The following CDKL5 variants were observed in gnomAD, a reference collection of about 807,000 sequenced individuals.
CDKL5 encodes cyclin dependent kinase like 5.
CDKL5 carries 8 observed loss-of-function variants against 61.7 expected under a neutral mutation model. The observed-to-expected ratio is 0.13, with a 90% confidence interval of 0.08 to 0.23. The LOEUF (loss-of-function observed/expected upper bound fraction) is 0.23, where lower values mean the gene tolerates loss of function less well. Among genes scored for constraint, CDKL5 ranks in the 10% least tolerant of loss-of-function variants. The probability of loss-of-function intolerance (pLI) is 1.00; values close to 1 mark genes in which losing one functional copy is unlikely to be tolerated. For synonymous variants in CDKL5, 275 were observed against 272.3 expected, an observed-to-expected ratio of 1.01 and a Z score of -0.10; for missense variants, 440 against 734.5, an observed-to-expected ratio of 0.60 and a Z score of 4.63.
chrX:18,449,801 T>G (rs1296788755), intron 1 of CDKL5, among the ~76,000 whole-genome samples: 1 of 109,839 alleles, frequency 9.1e-6, no homozygotes, highest in Non-Finnish European at 1.9e-5. Context: ...TTAATTCTTT[T>G]TTTTTTTTTT....
At chrX:18,616,387 A>T (rs1926713992) in intron 15 of CDKL5, among the ~76,000 whole-genome samples, 1 of 111,399 alleles carries the variant, frequency 9.0e-6, no homozygotes, top group Non-Finnish European at 1.9e-5. Flanking sequence ...GCACTTAGGG[A>T]GGCCAAGGCG....
chrX:18,642,255 G>C, downstream of CDKL5: 1 of 954,699 alleles, frequency 1.0e-6, no homozygotes, highest in Non-Finnish European at 1.5e-6. Context: ...CTATAGAAAT[G>C]ATTAGGAAGT....
intron 1 of CDKL5, among the ~76,000 whole-genome samples, chrX:18,498,737 AGTT>A (rs1922272117): frequency 8.9e-6 from 1 of 112,044 alleles, no homozygotes; most frequent in African/African-American, 3.2e-5. Context: ...GATCAACTTT[AGTT>A]GTGGAAAGAG....
chrX:18,493,033 C>T (rs1922048025), intron 1 of CDKL5, among the ~76,000 whole-genome samples: 1 of 111,331 alleles, frequency 9.0e-6, no homozygotes, highest in Non-Finnish European at 1.9e-5. Context: ...ACCTGTGGGT[C>T]TCTTGTGTCA....
intron 20 of CDKL5, chrX:18,647,065 T>C (rs1602312420): frequency 1.3e-6 from 1 of 765,091 alleles, no homozygotes; most frequent in East Asian, 3.3e-5. Context: ...TACAGGCACG[T>C]GCCACCACGC....
rs768289707 is a variant in CDKL5 at position 18,653,525 on chromosome X, C to T, written c.3074C>T (p.Ala1025Val). ...GCGCTCCTGACATACCATGAGAATG[C>T]GGCACTGACGGGCAAGTGACTTCTG... is the stretch of plus-strand genomic sequence containing the variant. Residue 1025 changes from alanine to valine, a missense_variant, in exon 22 of 22, where the codon GCG becomes GTG. Transcript: ENST00000379989. 8.3e-7 allele frequency: 1 copy of T among 1,211,555 alleles called. No individual in the cohort carries two copies.
intron 20 of CDKL5, among the ~76,000 whole-genome samples, chrX:18,649,354 TCTC>T (rs1927932282): frequency 9.0e-6 from 1 of 111,426 alleles, no homozygotes; most frequent in African/African-American, 3.3e-5. Flanking sequence ...CCCACCTCAT[TCTC>T]CTAGTTTTCT....
intron 1 of CDKL5, among the ~76,000 whole-genome samples, chrX:18,481,382 C>T (rs771027644): frequency 3.1e-5 from 3 of 95,373 alleles, no homozygotes; most frequent in African/African-American, 4.3e-5. Context: ...TGAGGCAGGG[C>T]GTCACTCTCA....
intron 1 of CDKL5, among the ~76,000 whole-genome samples, chrX:18,467,381 T>C (rs766120380): frequency 6.3e-5 from 7 of 111,495 alleles, no homozygotes; most frequent in African/African-American, 2.3e-4. Flanking sequence ...AACTGCATGC[T>C]TTTTTACAAG....
intron 1 of CDKL5, among the ~76,000 whole-genome samples, chrX:18,446,223 G>T (rs1251255005): frequency 9.3e-6 from 1 of 107,947 alleles, no homozygotes; most frequent in African/African-American, 3.4e-5. Context: ...CAGGGATGGT[G>T]GGCGGGCACC....
chrX:18,521,072 A>G (rs749961543), intron 3 of CDKL5, among the ~76,000 whole-genome samples: 24 of 111,675 alleles, frequency 2.1e-4, no homozygotes, highest in Non-Finnish European at 3.8e-4. Context: ...TTGCCACCCT[A>G]GTGGATGTAG....
chrX:18,634,574 G>C lies in CDKL5; in HGVS notation c.*5817G>C, dbSNP rs1927330022. 1 of 754,312 alleles carries C rather than the reference G, an allele frequency of 1.3e-6. No homozygotes were observed. The highest frequency in any genetic ancestry group is 8.6e-5 in the Admixed American group (1 of 11,640). The allele number at this position is 754,312 out of a possible 1,213,427, so 62.2% of individuals were successfully genotyped here. A position where few individuals can be genotyped will look rare whatever the true frequency, so the allele number is the denominator to read the frequency against. On this transcript the variant is annotated 3_prime_UTR_variant, in exon 18 of 18. Transcript: ENST00000623535. ...TAGGTTTTCCAAAATGGAAAGCAAA[G>C]CTTGCAGACAACCTGTTTTCTCTAG...
At chrX:18,471,375 T>A (rs958400326) in intron 1 of CDKL5, among the ~76,000 whole-genome samples, 13 of 111,433 alleles carry the variant, frequency 1.2e-4, no homozygotes, top group Non-Finnish European at 2.1e-4. Context: ...TTAATTTAGT[T>A]TTATTAATTT....
At chrX:18,573,964 A>G (rs1243942844) in intron 4 of CDKL5, among the ~76,000 whole-genome samples, 1 of 111,382 alleles carries the variant, frequency 9.0e-6, no homozygotes, top group Non-Finnish European at 1.9e-5. Context: ...TGCATTTAGA[A>G]TCTTCCCTCT....
intron 1 of CDKL5, among the ~76,000 whole-genome samples, chrX:18,440,386 A>G (rs1931710555): frequency 8.9e-6 from 1 of 112,169 alleles, no homozygotes. Context: ...CAATTCAGTC[A>G]TATCTTCAGG....
At chrX:18,648,983 G>A (rs1260321907) in intron 20 of CDKL5, among the ~76,000 whole-genome samples, 1 of 106,174 alleles carries the variant, frequency 9.4e-6, no homozygotes, top group East Asian at 3.0e-4. Context: ...AGGAGTCTGT[G>A]GCTGCAGTGA....
chrX:18,435,989 C>G (rs1015284324), intron 1 of CDKL5, among the ~76,000 whole-genome samples: 1 of 110,779 alleles, frequency 9.0e-6, no homozygotes, highest in Non-Finnish European at 1.9e-5. Context: ...AACTTTTGAC[C>G]CCCCCAAAAA....
At chrX:18,566,351 C>T (rs749080496) in intron 4 of CDKL5, among the ~76,000 whole-genome samples, 2 of 112,191 alleles carry the variant, frequency 1.8e-5, no homozygotes, top group South Asian at 3.7e-4. Flanking sequence ...GACAGGGTTT[C>T]GCCATGTTGC....
chrX:18,549,600 C>T (rs1924316537), intron 3 of CDKL5, among the ~76,000 whole-genome samples: 1 of 111,684 alleles, frequency 9.0e-6, no homozygotes, highest in Non-Finnish European at 1.9e-5. Context: ...AGGATGAATG[C>T]CACTTTGTAG....
Sources: gnomAD v4.1 joint callset for allele counts (sites outside exome capture counted in the v4.1 genomes callset) on GRCh38, gnomAD v4.1.1 for gene constraint, MANE v1.5 for transcripts, NCBI Gene and HGNC (gene_info 2026-07-23, HGNC 2026-07-21) for gene names.